Variants in EFR3B observed in about 807,000 individuals in gnomAD.
EFR3B encodes protein EFR3 homolog B.
A neutral mutation model predicts 104.7 loss-of-function variants in EFR3B; 64 were observed. That is an observed-to-expected ratio of 0.61 (90% confidence interval 0.50 to 0.75). The LOEUF (loss-of-function observed/expected upper bound fraction) is 0.75, where lower values mean the gene tolerates loss of function less well. Among genes scored for constraint, EFR3B ranks in the 30% least tolerant of loss-of-function variants. The pLI, the probability that EFR3B is intolerant of heterozygous loss-of-function variation, is 0.00. For missense variants in EFR3B, 750 were observed against 1,078.5 expected, an observed-to-expected ratio of 0.70 and a Z score of 4.27; for synonymous variants, 385 against 417.9, an observed-to-expected ratio of 0.92 and a Z score of 0.96.
rs867351845 is a variant in EFR3B, at chr2:25,045,305, C to T, written c.7+2986C>T. Among the ~76,000 whole-genome samples the T allele has an allele frequency of 2.6e-5, 4 of 152,200 alleles. No homozygotes were observed. In the South Asian group the frequency reaches 6.2e-4, roughly 24 times the overall value. On this transcript the variant is annotated intron_variant, in intron 1 of 22. Transcript: ENST00000403714. ...CTCACCACTCAGTCATTCCTAAACC[C>T]ATCAGTTTCTGGAAATGGCTCTCTA...
intron 1 of EFR3B, among the ~76,000 whole-genome samples, chr2:25,078,204 T>C (rs571712334): frequency 1.3e-5 from 2 of 152,308 alleles, no homozygotes; most frequent in South Asian, 4.1e-4. Context: ...TGGAGTTCAT[T>C]AATGTCAGTG....
rs1267776976 is a variant in EFR3B at position 25,091,392 on chromosome 2, G to A, written c.75G>A (p.Glu25=). The change falls in exon 2 of 23, where the codon GAG becomes GAA. Residue 25 remains glutamate, a synonymous_variant. Transcript: ENST00000403714. The part of the protein sequence containing the change: ...YKRLVDNIFP[E]DPEDGLVKTN... ...GGCTGGTTGACAACATCTTCCCTGA[G>A]GATCCCGAGGTGGGTCATGTCTCTG... 2 of 1,549,660 alleles carry A rather than the reference G, an allele frequency of 1.3e-6. No individual in the cohort carries two copies. Among genetic ancestry groups the A allele is most frequent in the African/African-American group, 1.4e-5 (1 of 72,934 alleles).
At chr2:25,077,567 G>T (rs1253647361) in intron 1 of EFR3B, among the ~76,000 whole-genome samples, 4 of 152,242 alleles carry the variant, frequency 2.6e-5, no homozygotes, top group African/African-American at 7.2e-5. Flanking sequence ...GGGATTACAG[G>T]CGTGAGCCAC....
At chr2:25,081,705 A>G (rs567359) in intron 1 of EFR3B, 229,273 of 513,862 alleles carry the variant, frequency 0.45, 56,817 homozygotes, top group East Asian at 0.75. Flanking sequence ...AGTGAGACCC[A>G]TTCCCTTGGT....
intron 1 of EFR3B, among the ~76,000 whole-genome samples, chr2:25,077,293 C>CT (rs901826696): frequency 1.3e-3 from 200 of 148,646 alleles, no homozygotes; most frequent in Non-Finnish European, 2.0e-3. Context: ...AGTTTTAAAA[C>CT]TTTTTTTTTT....
chr2:25,081,303 G>C lies in EFR3B; in HGVS notation c.8-10022G>C, dbSNP rs557559252. 1.8e-5 allele frequency: 17 copies of C among 926,792 alleles called. No individual in the cohort carries two copies. The African/African-American group carries it at 2.6e-4, about 14-fold the overall frequency. 57.4% of individuals were successfully genotyped at this position (926,792 alleles called of 1,614,324 possible). A position where few individuals can be genotyped will look rare whatever the true frequency, so the allele number is the denominator to read the frequency against. ...TCCTCGACCATCAGCTGAAACCTGC[G>C]CCTTCATCTCAACTTCTTTTGAACC... is the stretch of plus-strand genomic sequence containing the variant. On this transcript the variant is annotated intron_variant, in intron 1 of 22. Transcript: ENST00000403714.
chr2:25,085,878 T>C (rs1390184899), intron 1 of EFR3B, among the ~76,000 whole-genome samples: 3 of 151,336 alleles, frequency 2.0e-5, no homozygotes, highest in Non-Finnish European at 4.4e-5. Context: ...CCTTGGAGCC[T>C]TTTTCTGGGA....
chr2:25,125,534 C>A (rs1010933354), intron 5 of EFR3B, among the ~76,000 whole-genome samples: 1 of 152,194 alleles, frequency 6.6e-6, no homozygotes, highest in African/African-American at 2.4e-5. Context: ...GGAATCCTTG[C>A]CCATCGCCAG....
At chr2:25,148,921 CAAAAAAAAAAAAAAAA>C (rs57218512) in intron 19 of EFR3B, among the ~76,000 whole-genome samples, 1 of 68,476 alleles carries the variant, frequency 1.5e-5, no homozygotes, top group African/African-American at 6.0e-5. Context: ...GACTCCGTCT[CAAAAAAAAAAAAAAAA>C]AAAAAAAAAA....
chr2:25,064,202 G>C (rs1668272228), intron 1 of EFR3B, among the ~76,000 whole-genome samples: 1 of 152,244 alleles, frequency 6.6e-6, no homozygotes, highest in South Asian at 2.1e-4. Flanking sequence ...CGCCTGTCTT[G>C]TGTTCTGGCA....
intron 1 of EFR3B, among the ~76,000 whole-genome samples, chr2:25,069,264 G>A (rs990581376): frequency 6.6e-6 from 1 of 152,120 alleles, no homozygotes; most frequent in South Asian, 2.1e-4. Flanking sequence ...GCACAGCAGC[G>A]AAGCCAGGGT....
At chr2:25,056,786 C>T (rs1405052309) in intron 1 of EFR3B, among the ~76,000 whole-genome samples, 2 of 152,168 alleles carry the variant, frequency 1.3e-5, no homozygotes, top group East Asian at 1.9e-4. Flanking sequence ...CTCCCCCAGA[C>T]AGCACTCTCA....
intron 1 of EFR3B, among the ~76,000 whole-genome samples, chr2:25,077,350 C>A: frequency 6.6e-6 from 1 of 152,104 alleles, no homozygotes; most frequent in East Asian, 1.9e-4. Context: ...TGCGATGGCA[C>A]GATCTCAGCT....
intron 4 of EFR3B, chr2:25,115,922 G>A (rs558603675): frequency 8.8e-4 from 134 of 152,306 alleles, no homozygotes; most frequent in African/African-American, 3.1e-3. Flanking sequence ...TCTAGAACTC[G>A]GGCTTTGTGA....
chr2:25,103,514 T>C, intron 3 of EFR3B, 123 bp from the exon 4 acceptor site: 1 of 1,347,420 alleles, frequency 7.4e-7, no homozygotes. Flanking sequence ...TGGCAGCCTG[T>C]GGGGGAGCCT....
intron 21 of EFR3B, among the ~76,000 whole-genome samples, chr2:25,152,661 T>G (rs1671044457): frequency 6.6e-6 from 1 of 152,176 alleles, no homozygotes; most frequent in South Asian, 2.1e-4. Flanking sequence ...TCAGACAATC[T>G]TGAAATTGAT....
intron 4 of EFR3B, among the ~76,000 whole-genome samples, chr2:25,105,723 A>G (rs1669543637): frequency 1.3e-5 from 2 of 152,208 alleles, no homozygotes; most frequent in Admixed American, 1.3e-4. Context: ...CTAGAAGAGA[A>G]CATCTGAATG....
chr2:25,095,323 T>TAA (rs1669246070), intron 3 of EFR3B, among the ~76,000 whole-genome samples: 1 of 152,180 alleles, frequency 6.6e-6, no homozygotes, highest in South Asian at 2.1e-4. Flanking sequence ...CCAGAATCCA[T>TAA]AATTATGTAG....
intron 1 of EFR3B, among the ~76,000 whole-genome samples, chr2:25,074,331 C>T (rs945048439): frequency 3.9e-5 from 6 of 152,036 alleles, no homozygotes; most frequent in Non-Finnish European, 7.4e-5. Context: ...TTTGGGAGGC[C>T]GAGGCGGATG....
Sources: gnomAD v4.1 joint callset for allele counts (sites outside exome capture counted in the v4.1 genomes callset) on GRCh38, gnomAD v4.1.1 for gene constraint, MANE v1.5 for transcripts, NCBI Gene and HGNC (gene_info 2026-07-23, HGNC 2026-07-21) for gene names.